The following ZBTB4 variants were observed in gnomAD, a reference collection of about 807,000 sequenced individuals.
ZBTB4 encodes the protein zinc finger and BTB domain-containing protein 4.
ZBTB4 carries 14 observed loss-of-function variants against 59.8 expected under a neutral mutation model. That is an observed-to-expected ratio of 0.23 (90% CI 0.15 to 0.37). ZBTB4 has a LOEUF of 0.37. Among genes scored for constraint, ZBTB4 ranks in the 10% least tolerant of loss-of-function variants. The pLI, the probability that ZBTB4 is intolerant of heterozygous loss-of-function variation, is 1.00. For synonymous variants in ZBTB4, 587 were observed against 575.2 expected (o/e 1.02, Z -0.29); for missense variants, 1,198 against 1,380.8 (o/e 0.87, Z 2.10).
At position 7,462,685 on chromosome 17, in the gene ZBTB4, G is replaced by A; in HGVS notation, c.2297C>T (p.Thr766Ile). ...GCACACCTTGGCGCAGTGGGGGCAG[G>A]TAAAGCGGGTGGAGGGCCTCCGTCC... ...RAGRRPSTRF[T>I]CPHCAKVCKT... Residue 766 changes from threonine (T) to isoleucine (I), a missense_variant, in exon 4 of 4, where the codon ACC becomes ATC. Around this residue, in one of 9 missense-constraint regions of ZBTB4, gnomAD observed 550 missense variants for 541.8 expected, o/e 1.02. Transcript: ENST00000380599. The surrounding 1 kb of genome is among the most constrained non-coding windows in gnomAD (Gnocchi z 7.5). The A allele has an allele frequency of 6.2e-7, 1 of 1,606,408 alleles. No individual in the cohort carries two copies. The highest frequency in any genetic ancestry group is 8.5e-7 in the Non-Finnish European group (1 of 1,179,506).
Position 7,466,956 on chromosome 17 carries a change from T to G in ZBTB4, c.-9-146A>C, listed in dbSNP as rs1190426864. ...CACTTCTGGTCACAGAAGTCAGGGG[T>G]TGGCCCTTAGCCACCCAAGTCTGGC... On this transcript the variant is annotated intron_variant, in intron 2 of 3. Transcript: ENST00000380599. The surrounding 1 kb of genome is among the most constrained non-coding windows in gnomAD (Gnocchi z 9.1). 1 of 1,396,650 alleles carries G rather than the reference T, an allele frequency of 7.2e-7. No individual in the cohort carries two copies. The highest frequency in any genetic ancestry group is 9.4e-7 in the Non-Finnish European group (1 of 1,067,518). 86.5% of individuals were successfully genotyped at this position (1,396,650 alleles called of 1,614,324 possible).
At chr17:7,465,620 T>C (rs1415124662) in intron 3 of ZBTB4, 91 bp downstream of exon 3, 3 of 1,461,914 alleles carry the variant, frequency 2.1e-6, no homozygotes, top group African/African-American at 2.8e-5. Flanking sequence ...GATAACTTTC[T>C]AGGCCCCAAG....
At chr17:7,482,120 G>T (rs1364605392), upstream of ZBTB4, 28 of 1,614,166 alleles carry the variant, frequency 1.7e-5, no homozygotes, top group Non-Finnish European at 2.4e-5. Flanking sequence ...GGCCCTGCTG[G>T]GTGGGGGCCT....
chr17:7,482,260 C>A (rs771608976), upstream of ZBTB4: 32 of 1,613,926 alleles, frequency 2.0e-5, no homozygotes, highest in African/African-American at 2.9e-4. Context: ...TGCGTGGCGA[C>A]CCCCTTCTGG....
At chr17:7,482,270 G>T, upstream of ZBTB4, 1 of 1,613,998 alleles carries the variant, frequency 6.2e-7, no homozygotes, top group Non-Finnish European at 8.5e-7. Flanking sequence ...CCCCCTTCTG[G>T]GACCTCCTGA....
Position 7,466,364 on chromosome 17 carries a change from G to C in ZBTB4, c.438C>G (p.Ala146=). The change falls in exon 3 of 4, where the codon GCC becomes GCG. Residue 146 remains alanine (A), a synonymous_variant. Coordinates refer to ENST00000380599, the MANE Select transcript of ZBTB4 (RefSeq NM_001128833.2). This position sits in a 1 kb window ranked among gnomAD's most constrained non-coding sequence, Gnocchi z 9.1. ...CTCCACCACCAGGCAGTGCGAGCCGGGCGCTGTAGATGAAGTTGAGGACAT... is the reference window on the plus strand; with the variant it reads ...CTCCACCACCAGGCAGTGCGAGCCGCGCGCTGTAGATGAAGTTGAGGACAT... ...FSDVLNFIYS[A]RLALPGGGGD... is the part of the protein sequence containing the mutation. 1 of 1,614,110 alleles carries C rather than the reference G, an allele frequency of 6.2e-7. No individual in the cohort carries two copies. Among genetic ancestry groups the C allele is most frequent in the Non-Finnish European group, 8.5e-7 (1 of 1,180,010 alleles).
Position 7,460,382 on chromosome 17 carries a change from A to G in ZBTB4, c.*1558T>C, listed in dbSNP as rs878911502. 1.3e-5 allele frequency: 2 copies of G among 152,658 alleles called. No homozygotes were observed. The highest frequency in any genetic ancestry group is 4.1e-4 in the South Asian group (2 of 4,826). 9.5% of individuals were successfully genotyped at this position (152,658 alleles called of 1,614,324 possible). On this transcript the variant is annotated 3_prime_UTR_variant, in exon 4 of 4. Coordinates refer to ENST00000380599, the MANE Select transcript of ZBTB4 (RefSeq NM_001128833.2). ...AACTCACCTCCCTCCAAAAGCCATG[A>G]TCTTGCCCTTGGCAGTGATTGCTGC...
intron 1 of ZBTB4, among the ~76,000 whole-genome samples, chr17:7,476,578 G>A (rs1290656711): frequency 6.6e-6 from 1 of 152,146 alleles, no homozygotes; most frequent in Non-Finnish European, 1.5e-5. Flanking sequence ...TGTTCTGCCA[G>A]AAATGCTCTT....
In ZBTB4 at chr17:7,466,230, G is replaced by A. The variant is rs367908835; in HGVS notation, c.572C>T (p.Ala191Val). Residue 191 changes from alanine (A) to valine (V), a missense_variant, in exon 3 of 4, where the codon GCC (alanine) becomes GTC (valine). Physicochemically the swap from Ala to Val is moderately conservative, Grantham distance 64. Around this residue, in one of 9 missense-constraint regions of ZBTB4, gnomAD observed 204 missense variants for 205.5 expected, o/e 0.99. Coordinates refer to ENST00000380599, the MANE Select transcript of ZBTB4 (RefSeq NM_001128833.2). The surrounding 1 kb of genome is among the most constrained non-coding windows in gnomAD (Gnocchi z 9.1). ...GGDAWVPPTPAPMATSQPEED... is the reference protein window; with the variant it reads ...GGDAWVPPTPVPMATSQPEED... Reference sequence around the variant, plus strand: ...TTCAGGCTGCGAGGTGGCCATGGGGGCTGGGGTAGGAGGTACCCAGGCATC... The same window carrying A: ...TTCAGGCTGCGAGGTGGCCATGGGGACTGGGGTAGGAGGTACCCAGGCATC... 1.2e-6 allele frequency: 2 copies of A among 1,613,416 alleles called. No homozygotes were observed. The highest frequency in any genetic ancestry group is 2.2e-5 in the South Asian group (2 of 91,076).
At chr17:7,483,386 G>A (rs1482630221), upstream of ZBTB4, 11 of 293,094 alleles carry the variant, frequency 3.8e-5, no homozygotes, top group Middle Eastern at 1.1e-3. Flanking sequence ...GGAGGGGAGC[G>A]TGCCTCCCCA....
chr17:7,464,043 C>T (rs2070076087), intron 3 of ZBTB4, among the ~76,000 whole-genome samples, 153 bp from the exon 4 acceptor site: 3 of 152,184 alleles, frequency 2.0e-5, no homozygotes, highest in Admixed American at 2.0e-4. Flanking sequence ...GTGCAGGGTG[C>T]CCGTCTGAGC....
Position 7,462,192 on chromosome 17 carries a change from G to C in ZBTB4, c.2790C>G (p.Leu930=), listed in dbSNP as rs768144359. The C allele has an allele frequency of 6.2e-7, 1 of 1,613,892 alleles. No individual in the cohort carries two copies. The highest frequency in any genetic ancestry group is 8.5e-7 in the Non-Finnish European group (1 of 1,179,928). ...EPYPLVYGPQ[L]LAAYPYNFSN... ...TGAAGTTGTAAGGGTAGGCGGCAAG[G>C]AGCTGGGGGCCATAGACGAGCGGGT... Residue 930 remains leucine (L), a synonymous_variant, in exon 4 of 4, where the codon CTC becomes CTG. Coordinates refer to ENST00000380599, the MANE Select transcript of ZBTB4 (RefSeq NM_001128833.2). The surrounding 1 kb of genome is among the most constrained non-coding windows in gnomAD (Gnocchi z 7.5).
At chr17:7,481,235 C>T (rs187179971), upstream of ZBTB4, 937 of 275,522 alleles carry the variant, frequency 3.4e-3, 3 homozygotes, top group African/African-American at 0.018. Flanking sequence ...GAGGCTGAGG[C>T]AGGAGAATCG....
Position 7,459,624 on chromosome 17 carries a change from C to T in ZBTB4, c.*2316G>A, listed in dbSNP as rs1187109769. ...ACTTGATCATTTTCAAAAGACAAAACTGCAAAATCCCAAATTTCCAACATC... is the reference window on the plus strand; with the variant it reads ...ACTTGATCATTTTCAAAAGACAAAATTGCAAAATCCCAAATTTCCAACATC... On this transcript the variant is annotated 3_prime_UTR_variant, in exon 4 of 4. Transcript: ENST00000380599. 1 of 152,242 alleles carries T rather than the reference C, an allele frequency of 6.6e-6. No individual in the cohort carries two copies. The highest frequency in any genetic ancestry group is 6.6e-5 in the Admixed American group (1 of 15,264). The allele number at this position is 152,242 out of a possible 1,614,324, so 9.4% of individuals were successfully genotyped here.
At chr17:7,470,276 T>C (rs60488855) in intron 1 of ZBTB4, among the ~76,000 whole-genome samples, 35,280 of 151,840 alleles carry the variant, frequency 0.23, 4,575 homozygotes, top group African/African-American at 0.34. Flanking sequence ...TGTGCACCTA[T>C]AGTTCCAGCT....
intron 1 of ZBTB4, among the ~76,000 whole-genome samples, chr17:7,477,505 C>A (rs1480728741): frequency 6.6e-6 from 1 of 152,320 alleles, no homozygotes; most frequent in African/African-American, 2.4e-5. Context: ...TCCCTTCCCC[C>A]ACGTACACAC....
chr17:7,473,702 C>A (rs533128959), intron 1 of ZBTB4, among the ~76,000 whole-genome samples: 1 of 152,094 alleles, frequency 6.6e-6, no homozygotes, highest in East Asian at 1.9e-4. Context: ...GTACCTGCCA[C>A]CATGCCCAGA....
chr17:7,465,481 GA>G (rs1057211147), intron 3 of ZBTB4, among the ~76,000 whole-genome samples: 6 of 145,598 alleles, frequency 4.1e-5, no homozygotes, highest in East Asian at 2.0e-4. Flanking sequence ...AAAAAAAAAA[GA>G]AAAAAAAATT....
Position 7,463,192 on chromosome 17 carries a change from GC to G in ZBTB4, c.1789del (p.Ala597LeufsTer12). 6.2e-7 allele frequency: 1 copy of G among 1,607,840 alleles called. No homozygotes were observed. Among genetic ancestry groups the G allele is most frequent in the Non-Finnish European group, 8.5e-7 (1 of 1,178,966 alleles). On this transcript the variant is annotated frameshift_variant, in exon 4 of 4. Coordinates refer to ENST00000380599, the MANE Select transcript of ZBTB4 (RefSeq NM_001128833.2). LOFTEE classifies it high-confidence loss of function. ...AGTGATCTGACACAGTGGAGGTGGA[GC>G]CTGCAGCTGAGAGGGGCCCCGGCCA... ...GAGRGPSQLQAPPPLCQITVR... is the reference protein window; with the variant it reads ...GAGRGPSQLQXPPPLCQITVR...
Sources: allele counts gnomAD v4.1 joint callset (sites outside exome capture counted in the v4.1 genomes callset), GRCh38; gene constraint gnomAD v4.1.1; regional missense constraint gnomAD v4.1.1; non-coding constraint Gnocchi (gnomAD v3.1); transcripts MANE v1.5; gene names NCBI Gene and HGNC (gene_info 2026-07-23, HGNC 2026-07-21).